The following CNBD1 variants were observed in gnomAD, a reference collection of about 807,000 sequenced individuals.
CNBD1 encodes the protein cyclic nucleotide-binding domain-containing protein 1.
A neutral mutation model predicts 54.4 loss-of-function variants in CNBD1; 71 were observed. That is an observed-to-expected ratio of 1.30 (90% CI 1.08 to 1.59). The LOEUF is 1.59. Among genes scored for constraint, CNBD1 ranks in the 40% most tolerant of loss-of-function variants. The pLI, the probability that CNBD1 is intolerant of heterozygous loss-of-function variation, is 0.00. For synonymous variants in CNBD1, 182 were observed against 170.7 expected (o/e 1.07, Z -0.51); for missense variants, 659 against 518.0 (o/e 1.27, Z -2.64).
At chr8:87,032,725 A>C (rs1809821721) in intron 4 of CNBD1, among the ~76,000 whole-genome samples, 1 of 152,198 alleles carries the variant, frequency 6.6e-6, no homozygotes, top group Admixed American at 6.5e-5. Flanking sequence ...CATTTGCTTT[A>C]GTTTCATTGC....
At chr8:87,339,166 T>C (rs1027220539) in intron 8 of CNBD1, among the ~76,000 whole-genome samples, 1 of 152,158 alleles carries the variant, frequency 6.6e-6, no homozygotes, top group Non-Finnish European at 1.5e-5. Flanking sequence ...CTCTGAAGTA[T>C]TTCAAATTGT....
intron 4 of CNBD1, among the ~76,000 whole-genome samples, chr8:86,963,379 G>T (rs1031348149): frequency 6.6e-6 from 1 of 152,142 alleles, no homozygotes; most frequent in South Asian, 2.1e-4. Context: ...TGTGCCCTTC[G>T]ACTCCCGCTG....
intron 4 of CNBD1, among the ~76,000 whole-genome samples, chr8:87,139,389 A>G (rs1420008074): frequency 6.6e-6 from 1 of 152,208 alleles, no homozygotes; most frequent in Non-Finnish European, 1.5e-5. Flanking sequence ...TTTCTATTAC[A>G]TTGAGTTCTA....
rs1814642613 is a variant in CNBD1 at position 87,230,128 on chromosome 8, AG to A, written c.578-6788del. Among the ~76,000 whole-genome samples, 6 of 152,284 alleles carry A rather than the reference AG, an allele frequency of 3.9e-5. 1 individual carries two copies. In the South Asian group the frequency reaches 6.2e-4, roughly 16 times the overall value. On this transcript the variant is annotated intron_variant, in intron 5 of 10. Transcript: ENST00000518476. ...TGAGAGCAGGAGGAACAGAGAGAAG[AG>A]GGAGGTGCCACATAGTTTTAAACAA...
rs1480094329 is a variant in CNBD1, at chr8:87,396,890, TC to T, written c.214-31655del. Among the ~76,000 whole-genome samples, 3 of 104,204 alleles carry T rather than the reference TC, an allele frequency of 2.9e-5. No homozygotes were observed. The East Asian group carries it at 6.3e-4, about 22-fold the overall frequency. 68.4% of individuals were successfully genotyped at this position (104,204 alleles called of 152,430 possible). A position where few individuals can be genotyped will look rare whatever the true frequency, so the allele number is the denominator to read the frequency against. Reference sequence around the variant, plus strand: ...CTTTCTAATGTGTTATAGTTTGTTTTCTTTTTTTTTTTTTCAAGTAGTTCTT... The same window carrying T: ...CTTTCTAATGTGTTATAGTTTGTTTTTTTTTTTTTTTTTCAAGTAGTTCTT... On this transcript the variant is annotated intron_variant, in intron 2 of 7. Transcript: ENST00000521593.
chr8:87,216,150 T>C (rs1419570409), intron 5 of CNBD1, among the ~76,000 whole-genome samples: 7 of 152,294 alleles, frequency 4.6e-5, no homozygotes, highest in Middle Eastern at 3.4e-3. Flanking sequence ...TAAAAATCAA[T>C]TGGAGACCAA....
intron 4 of CNBD1, among the ~76,000 whole-genome samples, chr8:87,157,839 T>A (rs898883392): frequency 1.3e-5 from 2 of 152,170 alleles, no homozygotes; most frequent in Non-Finnish European, 2.9e-5. Flanking sequence ...CAAAAGAATG[T>A]TTGGCATGGA....
intron 10 of CNBD1, among the ~76,000 whole-genome samples, chr8:87,371,701 G>C (rs899860339): frequency 6.6e-6 from 1 of 151,970 alleles, no homozygotes; most frequent in Non-Finnish European, 1.5e-5. Context: ...ATCAATAAAT[G>C]TAATCCAGCG....
At chr8:86,973,948 ATATT>A (rs1252858188) in intron 4 of CNBD1, among the ~76,000 whole-genome samples, 1 of 152,160 alleles carries the variant, frequency 6.6e-6, no homozygotes, top group East Asian at 1.9e-4. Flanking sequence ...GCATTAATAA[ATATT>A]TATTGACTAT....
chr8:86,885,821 T>C (rs1476464407), intron 1 of CNBD1, among the ~76,000 whole-genome samples: 2 of 152,180 alleles, frequency 1.3e-5, no homozygotes, highest in East Asian at 3.8e-4. Flanking sequence ...CATTCTATTT[T>C]TGAGTTTACT....
chr8:87,303,757 C>A (rs1809074974), intron 8 of CNBD1, among the ~76,000 whole-genome samples: 1 of 136,854 alleles, frequency 7.3e-6, no homozygotes, highest in African/African-American at 2.8e-5. Context: ...AGCTAATATC[C>A]AGAATCTACA....
At chr8:87,108,756 C>A (rs745591075) in intron 4 of CNBD1, among the ~76,000 whole-genome samples, 1 of 152,180 alleles carries the variant, frequency 6.6e-6, no homozygotes, top group Non-Finnish European at 1.5e-5. Flanking sequence ...TACCTGGAAT[C>A]TAGACCTATA....
intron 6 of CNBD1, among the ~76,000 whole-genome samples, chr8:87,273,075 A>G (rs1438871179): frequency 6.6e-6 from 1 of 151,936 alleles, no homozygotes; most frequent in Non-Finnish European, 1.5e-5. Context: ...AGACAGATCA[A>G]TTTCCCCTAA....
chr8:87,098,023 A>C (rs1344373861), intron 4 of CNBD1, among the ~76,000 whole-genome samples: 1 of 152,216 alleles, frequency 6.6e-6, no homozygotes, highest in Admixed American at 6.5e-5. Context: ...AAAAACACTC[A>C]TTTTGTCAAA....
intron 4 of CNBD1, among the ~76,000 whole-genome samples, chr8:87,202,174 G>T (rs905204777): frequency 6.2e-5 from 9 of 145,286 alleles, no homozygotes; most frequent in Non-Finnish European, 1.2e-4. Flanking sequence ...TAAAAGCAAC[G>T]ATTATTTTCA....
At chr8:87,256,066 A>G (rs1385602641) in intron 6 of CNBD1, among the ~76,000 whole-genome samples, 2 of 113,824 alleles carry the variant, frequency 1.8e-5, no homozygotes, top group Non-Finnish European at 3.3e-5. Flanking sequence ...TCTGTCACCC[A>G]GGCTGGAGTG....
At chr8:87,412,159 C>T (rs2130985874) in intron 2 of CNBD1, among the ~76,000 whole-genome samples, 1 of 152,032 alleles carries the variant, frequency 6.6e-6, no homozygotes, top group African/African-American at 2.4e-5. Flanking sequence ...AGATGCTGTT[C>T]TCCTTCATTT....
At chr8:87,286,364 A>T (rs1277141522) in intron 7 of CNBD1, among the ~76,000 whole-genome samples, 175 bp from the exon 8 acceptor site, 1 of 152,144 alleles carries the variant, frequency 6.6e-6, no homozygotes, top group Non-Finnish European at 1.5e-5. Context: ...GAAGATTAAC[A>T]TTTTAATATG....
At chr8:87,133,690 T>C (rs1474344900) in intron 4 of CNBD1, among the ~76,000 whole-genome samples, 5 of 143,710 alleles carry the variant, frequency 3.5e-5, no homozygotes, top group Non-Finnish European at 7.8e-5. Flanking sequence ...ACAACCTCTT[T>C]TAAAGTAAAA....
Sources: allele counts gnomAD v4.1 joint callset (sites outside exome capture counted in the v4.1 genomes callset), GRCh38; gene constraint gnomAD v4.1.1; transcripts MANE v1.5; gene names NCBI Gene and HGNC (gene_info 2026-07-23, HGNC 2026-07-21).